The following ARID2 variants were observed in gnomAD, a reference collection of about 807,000 sequenced individuals.
ARID2 encodes AT-rich interaction domain 2, also known as AT-rich interactive domain-containing protein 2.
In ARID2, 32 loss-of-function variants were observed where a neutral mutation model predicts 184.6. The ratio of observed to expected loss-of-function variants is 0.17; its 90% CI spans 0.13 to 0.23. ARID2 has a LOEUF of 0.23. Among genes scored for constraint, ARID2 ranks in the 10% least tolerant of loss-of-function variants. The pLI is 1.00. For missense variants in ARID2, 1,696 were observed against 2,197.6 expected (o/e 0.77, Z 4.56); for synonymous variants, 836 against 772.6 (o/e 1.08, Z -1.36).
In ARID2 at chr12:45,730,037, C is replaced by G. The variant is rs561834872; in HGVS notation, c.93-7C>G. 9 of 1,612,986 alleles carry G rather than the reference C, an allele frequency of 5.6e-6. No homozygotes were observed. In the African/African-American group the frequency reaches 1.1e-4, roughly 19 times the overall value. Reference sequence around the variant, plus strand: ...CTGACAAGTGCGGGGCTTTTTCTCTCCCGCAGGTCGCCTTTTAAAAAAATC... The same window carrying G: ...CTGACAAGTGCGGGGCTTTTTCTCTGCCGCAGGTCGCCTTTTAAAAAAATC... On this transcript the variant is annotated splice_polypyrimidine_tract_variant and splice_region_variant and intron_variant, in intron 1 of 20. Transcript: ENST00000334344.
At chr12:45,746,326 G>T (rs1282141859) in intron 3 of ARID2, among the ~76,000 whole-genome samples, 1 of 151,214 alleles carries the variant, frequency 6.6e-6, no homozygotes, top group Non-Finnish European at 1.5e-5. Context: ...GCCCAGGATG[G>T]TTTCCAACTC....
intron 6 of ARID2, among the ~76,000 whole-genome samples, chr12:45,830,774 G>C (rs992831589): frequency 2.0e-5 from 3 of 152,110 alleles, no homozygotes; most frequent in East Asian, 3.8e-4. Context: ...AAATGGCTGG[G>C]CACGGTGGCT....
chr12:45,801,907 ATTG>A (rs1341718610), intron 3 of ARID2, among the ~76,000 whole-genome samples: 1 of 152,166 alleles, frequency 6.6e-6, no homozygotes, highest in Non-Finnish European at 1.5e-5. Context: ...TTCTTTGAAT[ATTG>A]TTGTAACTTT....
chr12:45,829,422 C>T (rs1943067461), intron 6 of ARID2, among the ~76,000 whole-genome samples: 1 of 151,776 alleles, frequency 6.6e-6, no homozygotes, highest in East Asian at 1.9e-4. Flanking sequence ...AATTTAAAAC[C>T]CCAGAAAGCA....
At chr12:45,895,593 G>T (rs1444955714) in intron 20 of ARID2, among the ~76,000 whole-genome samples, 1 of 152,224 alleles carries the variant, frequency 6.6e-6, no homozygotes, top group Non-Finnish European at 1.5e-5. Context: ...GGAGTGCAGT[G>T]GCACGATCTC....
chr12:45,748,155 G>A (rs1197959893), intron 3 of ARID2, among the ~76,000 whole-genome samples: 2 of 152,184 alleles, frequency 1.3e-5, no homozygotes, highest in African/African-American at 4.8e-5. Context: ...TTGAGGCCAG[G>A]AGTTTGAGAC....
intron 10 of ARID2, among the ~76,000 whole-genome samples, chr12:45,838,916 A>G (rs1456418658): frequency 1.4e-5 from 2 of 146,898 alleles, no homozygotes; most frequent in African/African-American, 5.1e-5. Flanking sequence ...CCCAGGCTGG[A>G]GTGCAGTGGC....
chr12:45,892,916 T>C (rs1378883181), intron 18 of ARID2, among the ~76,000 whole-genome samples: 2 of 152,224 alleles, frequency 1.3e-5, no homozygotes, highest in Non-Finnish European at 1.5e-5. Context: ...AAGTAATAGT[T>C]GGAAATGTGG....
At chr12:45,862,480 T>C (rs1188853163) in intron 16 of ARID2, among the ~76,000 whole-genome samples, 3 of 152,188 alleles carry the variant, frequency 2.0e-5, no homozygotes, top group Admixed American at 1.3e-4. Context: ...CTTGAGATTT[T>C]TGTTTTTTTC....
chr12:45,863,357 C>CAT (rs1943781300), intron 16 of ARID2, among the ~76,000 whole-genome samples: 1 of 152,164 alleles, frequency 6.6e-6, no homozygotes, highest in African/African-American at 2.4e-5. Flanking sequence ...CAAGTAGGAA[C>CAT]ATATATATGA....
Position 45,850,081 on chromosome 12 carries a change from C to G in ARID2, c.1958C>G (p.Thr653Ser), listed in dbSNP as rs781543592. The change falls in exon 15 of 21, where the codon ACT (threonine) becomes AGT (serine). Residue 653 changes from threonine to serine, a missense_variant. By Grantham distance (58) the Thr-to-Ser change is moderately conservative (BLOSUM62 1). Around this residue, in one of 11 missense-constraint regions of ARID2, gnomAD observed 713 missense variants for 824.4 expected, o/e 0.86. Transcript: ENST00000334344. ...ACCATAGGAAACCATTTTCAGAGGA[C>G]TCCTGTTGCCAACCAATCTTCAAAT... is the stretch of plus-strand genomic sequence containing the variant. ...SQTIGNHFQR[T>S]PVANQSSNLT... The G allele has an allele frequency of 6.2e-7, 1 of 1,613,852 alleles. No individual in the cohort carries two copies. Among genetic ancestry groups the G allele is most frequent in the Non-Finnish European group, 8.5e-7 (1 of 1,179,940 alleles).
In ARID2 at chr12:45,869,314, C is replaced by T. The variant is rs537275443; in HGVS notation, c.4922+8365C>T. Among the ~76,000 whole-genome samples the T allele has an allele frequency of 2.0e-4, 31 of 152,204 alleles. No homozygotes were observed. In the East Asian group the frequency reaches 4.1e-3, roughly 20 times the overall value. On this transcript the variant is annotated intron_variant, in intron 16 of 20. Transcript: ENST00000334344. ...ACAGGCGTGCGCCACCGTGCCCGGC[C>T]GCGATTGCTTTTAATGAACAGTTTT...
chr12:45,902,741 C>T (rs1378387429), intron 20 of ARID2, among the ~76,000 whole-genome samples: 4 of 151,966 alleles, frequency 2.6e-5, no homozygotes, highest in Middle Eastern at 3.2e-3. Context: ...GATGGGGTTT[C>T]ACCATGTTGG....
intron 15 of ARID2, among the ~76,000 whole-genome samples, chr12:45,856,785 A>AT (rs1163427825): frequency 6.6e-6 from 1 of 152,222 alleles, no homozygotes; most frequent in Non-Finnish European, 1.5e-5. Flanking sequence ...ATACCCATTG[A>AT]TTTTTATATT....
At chr12:45,831,166 T>C (rs1943115050) in intron 6 of ARID2, among the ~76,000 whole-genome samples, 1 of 152,248 alleles carries the variant, frequency 6.6e-6, no homozygotes, top group Non-Finnish European at 1.5e-5. Context: ...TGCTGCACTT[T>C]TTCTAACTTG....
chr12:45,776,285 A>G (rs1941979290), intron 3 of ARID2: 1 of 152,482 alleles, frequency 6.6e-6, no homozygotes, highest in Non-Finnish European at 1.5e-5. Flanking sequence ...GAACTGCTCT[A>G]CAGAGAGTGA....
At chr12:45,834,524 C>T (rs1230492482) in intron 6 of ARID2, among the ~76,000 whole-genome samples, 1 of 152,168 alleles carries the variant, frequency 6.6e-6, no homozygotes, top group Non-Finnish European at 1.5e-5. Flanking sequence ...GGGCGGATCA[C>T]CTGAGGTTAG....
At chr12:45,854,429 A>G (rs1047245976) in intron 15 of ARID2, among the ~76,000 whole-genome samples, 7 of 152,208 alleles carry the variant, frequency 4.6e-5, no homozygotes, top group African/African-American at 1.4e-4. Flanking sequence ...TGTTATATAC[A>G]TGGCAATAAT....
rs2138082645 is a variant in ARID2, at chr12:45,811,474, C to T, written c.341C>T (p.Pro114Leu). 1.2e-6 allele frequency: 2 copies of T among 1,613,516 alleles called. No individual in the cohort carries two copies. Among genetic ancestry groups the T allele is most frequent in the Non-Finnish European group, 1.7e-6 (2 of 1,179,658 alleles). Reference protein sequence around the residue: ...HHFGEDDDEVPPGNPKPQLPI... With the variant: ...HHFGEDDDEVLPGNPKPQLPI... ...TTTGGGGAGGATGATGATGAGGTACCACCAGGCAATCCAAAGCCACAGCTT... is the reference window on the plus strand; with the variant it reads ...TTTGGGGAGGATGATGATGAGGTACTACCAGGCAATCCAAAGCCACAGCTT... The change falls in exon 4 of 21, where the codon CCA (proline) becomes CTA (leucine). Residue 114 changes from proline to leucine, a missense_variant. Coordinates refer to ENST00000334344, the MANE Select transcript of ARID2 (RefSeq NM_152641.4).
Sources: gnomAD v4.1 joint callset for allele counts (sites outside exome capture counted in the v4.1 genomes callset) on GRCh38, gnomAD v4.1.1 for gene constraint, gnomAD v4.1.1 regional missense constraint, MANE v1.5 for transcripts, NCBI Gene and HGNC (gene_info 2026-07-23, HGNC 2026-07-21) for gene names.